ALPK3: variants seen among roughly 807,000 people sequenced by gnomAD.
The protein encoded by ALPK3 is alpha kinase 3.
In ALPK3, 102 loss-of-function variants were observed where a neutral mutation model predicts 140.0. That is an observed-to-expected ratio of 0.73 (90% CI 0.62 to 0.86). The LOEUF (loss-of-function observed/expected upper bound fraction) is 0.86, where lower values mean the gene tolerates loss of function less well. Ranked by LOEUF, ALPK3 falls within the 40% of genes least tolerant of loss-of-function variation. The pLI, the probability that ALPK3 is intolerant of heterozygous loss-of-function variation, is 0.00. For synonymous variants in ALPK3, 938 were observed against 898.5 expected, an observed-to-expected ratio of 1.04 and a Z score of -0.79; for missense variants, 2,254 against 2,208.2, an observed-to-expected ratio of 1.02 and a Z score of -0.42.
intron 13 of ALPK3, among the ~76,000 whole-genome samples, chr15:84,867,812 G>C (rs998471566): frequency 6.6e-6 from 1 of 152,172 alleles, no homozygotes; most frequent in African/African-American, 2.4e-5. Flanking sequence ...AGGCATGGTG[G>C]CTCACGCCTC....
chr15:84,823,261 G>C, intron 1 of ALPK3, 69 bp from the exon 2 acceptor site: 1 of 1,565,596 alleles, frequency 6.4e-7, no homozygotes, highest in Non-Finnish European at 8.8e-7. Context: ...AATAGTTTGC[G>C]ACTGTTGATT....
At chr15:84,858,748 G>A (rs1236912232) in intron 6 of ALPK3, among the ~76,000 whole-genome samples, 193 bp downstream of exon 6, 1 of 152,242 alleles carries the variant, frequency 6.6e-6, no homozygotes, top group Admixed American at 6.5e-5. Context: ...CCACTCCACA[G>A]AGTGGAGATA....
Position 84,862,927 on chromosome 15 carries a change from C to T in ALPK3, c.4410+12C>T, listed in dbSNP as rs373896916. On this transcript the variant is annotated intron_variant, in intron 10 of 13. Transcript: ENST00000258888. ...ACGTCACCATCCAGGTACTATGTCC[C>T]ATCTTCACACCCCATTCTTTTATTC... is the stretch of plus-strand genomic sequence containing the variant. 12 of 1,609,338 alleles carry T rather than the reference C, an allele frequency of 7.5e-6. No homozygotes were observed. Among genetic ancestry groups the T allele is most frequent in the African/African-American group, 2.7e-5 (2 of 74,854 alleles).
intron 3 of ALPK3, among the ~76,000 whole-genome samples, chr15:84,832,375 C>T (rs1963553248): frequency 6.6e-6 from 1 of 152,182 alleles, no homozygotes; most frequent in Non-Finnish European, 1.5e-5. Flanking sequence ...TTCACTTCAT[C>T]TTTGTGCTTT....
chr15:84,838,249 T>A (rs1358445219), intron 3 of ALPK3, among the ~76,000 whole-genome samples: 1 of 152,132 alleles, frequency 6.6e-6, no homozygotes, highest in Non-Finnish European at 1.5e-5. Flanking sequence ...AGGAGGGCTC[T>A]TAGAAGGGAT....
In ALPK3 at chr15:84,840,621, G is replaced by A. The variant is rs750284989; in HGVS notation, c.1342G>A (p.Gly448Arg). 1.3e-6 allele frequency: 2 copies of A among 1,559,626 alleles called. No individual in the cohort carries two copies. Among genetic ancestry groups the A allele is most frequent in the East Asian group, 4.5e-5 (2 of 44,572 alleles). The change falls in exon 5 of 14, where the codon GGG (glycine) becomes AGG (arginine). Residue 448 changes from glycine (G) to arginine (R), a missense_variant. Transcript: ENST00000258888. ...CCGGGCGCCTGGGGAGAGTCCCAAG[G>A]GGAAGGCACCCCTCAGGGCTAGAAG... ...SVRAPGESPK[G>R]KAPLRARSEG...
chr15:84,862,635 T>G lies in ALPK3; in HGVS notation c.4130T>G (p.Val1377Gly). 1.2e-6 allele frequency: 2 copies of G among 1,603,158 alleles called. No homozygotes were observed. The highest frequency in any genetic ancestry group is 2.2e-5 in the South Asian group (2 of 90,386). ...SGFISREEGEVGEEIEMTPMV... is the reference protein window; with the variant it reads ...SGFISREEGEGGEEIEMTPMV... ...CCACATTTCTCCTGTTCCCCTTCAG[T>G]TGGAGAAGAGATTGAGATGACCCCT... The change falls in exon 10 of 14, where the codon GTT (valine) becomes GGT (glycine). Residue 1377 changes from valine (V) to glycine (G), a missense_variant and splice_region_variant. Transcript: ENST00000258888.
intron 5 of ALPK3, among the ~76,000 whole-genome samples, chr15:84,841,157 A>G (rs1037575586): frequency 1.3e-5 from 2 of 152,078 alleles, no homozygotes; most frequent in Admixed American, 1.3e-4. Flanking sequence ...CTCTTCTGGG[A>G]GTGTAGGAGT....
In ALPK3 at chr15:84,859,255, T is replaced by C; in HGVS notation, c.3830T>C (p.Ile1277Thr). ...AKDLLKAPQV[I>T]RKIRVEQFPD... Reference sequence around the variant, plus strand: ...GCCCTGCTCTCAGCCCCACAGGTGATCCGGAAGATTCGGGTGGAGCAGTTT... The same window carrying C: ...GCCCTGCTCTCAGCCCCACAGGTGACCCGGAAGATTCGGGTGGAGCAGTTT... Residue 1277 changes from isoleucine (I) to threonine (T), a missense_variant, in exon 7 of 14, where the codon ATC becomes ACC. By Grantham distance (89) the Ile-to-Thr change is moderately conservative. Coordinates refer to ENST00000258888, the MANE Select transcript of ALPK3 (RefSeq NM_020778.5). 1 of 1,614,080 alleles carries C rather than the reference T, an allele frequency of 6.2e-7. No individual in the cohort carries two copies.
chr15:84,824,891 G>A (rs2437949), intron 2 of ALPK3, among the ~76,000 whole-genome samples: 2 of 152,068 alleles, frequency 1.3e-5, no homozygotes, highest in Non-Finnish European at 2.9e-5. Context: ...TCCCACATTC[G>A]AATGGTTTGG....
chr15:84,856,679 A>C lies in ALPK3; in HGVS notation c.1941A>C (p.Glu647Asp). 1 of 1,614,086 alleles carries C rather than the reference A, an allele frequency of 6.2e-7. No individual in the cohort carries two copies. The highest frequency in any genetic ancestry group is 8.5e-7 in the Non-Finnish European group (1 of 1,180,028). ...CGCAGGTGGATGCTGGGACACAAGA[A>C]AGCAAGAGGCCACAGTCAGACAGGA... ...RKTQVDAGTQ[E>D]SKRPQSDRSA... The change falls in exon 6 of 14, where the codon GAA (glutamate) becomes GAC (aspartate). Residue 647 changes from glutamate to aspartate, a missense_variant. Glu to Asp is a conservative substitution (Grantham distance 45). Coordinates refer to ENST00000258888, the MANE Select transcript of ALPK3 (RefSeq NM_020778.5).
Position 84,840,159 on chromosome 15 carries a change from A to G in ALPK3, c.880A>G (p.Thr294Ala), listed in dbSNP as rs941631732. The G allele has an allele frequency of 3.1e-6, 5 of 1,613,800 alleles. No individual in the cohort carries two copies. Among genetic ancestry groups the G allele is most frequent in the Non-Finnish European group, 4.2e-6 (5 of 1,179,918 alleles). ...NGEDGEHGLL[T>A]YICDAMELGP... ...AGAGGACGGAGAGCATGGCTTGCTGACATACATCTGTGACGCCATGGAGCT... is the reference window on the plus strand; with the variant it reads ...AGAGGACGGAGAGCATGGCTTGCTGGCATACATCTGTGACGCCATGGAGCT... The change falls in exon 5 of 14, where the codon ACA (threonine) becomes GCA (alanine). Residue 294 changes from threonine (T) to alanine (A), a missense_variant. This residue lies in a region of ALPK3 where 2,088 missense variants were observed against 2,022.9 expected (regional missense o/e 1.03). Transcript: ENST00000258888.
chr15:84,823,745 C>T (rs1204420015), intron 2 of ALPK3, among the ~76,000 whole-genome samples: 1 of 152,198 alleles, frequency 6.6e-6, no homozygotes, highest in Non-Finnish European at 1.5e-5. Context: ...GGGACAGGGT[C>T]TTGCTCTGTC....
rs780739176 is a variant in ALPK3 at position 84,840,784 on chromosome 15, T to A, written c.1505T>A (p.Leu502Gln). ...ATTDSKPISS[L>Q]SQAPECGAQS... is the part of the protein sequence containing the mutation. The stretch of plus-strand genomic sequence containing the variant: ...ACTGACAGCAAGCCCATTTCTTCTC[T>A]GAGTCAAGCTCCAGAATGCGGGGCC... The change falls in exon 5 of 14, where the codon CTG (leucine) becomes CAG (glutamine). Residue 502 changes from leucine (L) to glutamine (Q), a missense_variant. Leu to Gln is a moderately radical substitution (Grantham distance 113). Coordinates refer to ENST00000258888, the MANE Select transcript of ALPK3 (RefSeq NM_020778.5). 1 of 1,614,216 alleles carries A rather than the reference T, an allele frequency of 6.2e-7. No homozygotes were observed. Among genetic ancestry groups the A allele is most frequent in the Non-Finnish European group, 8.5e-7 (1 of 1,180,026 alleles).
chr15:84,830,698 TTTGG>T (rs1220072726), intron 3 of ALPK3, among the ~76,000 whole-genome samples: 1 of 152,142 alleles, frequency 6.6e-6, no homozygotes, highest in African/African-American at 2.4e-5. Flanking sequence ...TGTTTGTTGG[TTTGG>T]TTGGTTTGTT....
chr15:84,832,153 C>A (rs1212080755), intron 3 of ALPK3, among the ~76,000 whole-genome samples: 3 of 152,024 alleles, frequency 2.0e-5, no homozygotes, highest in Non-Finnish European at 4.4e-5. Context: ...ATCTTTGAAC[C>A]TTTCCTCCTT....
Position 84,817,490 on chromosome 15 carries a change from C to T in ALPK3, c.38C>T (p.Ala13Val), listed in dbSNP as rs1301457332. ...AGGGCCCCCAGCCGGGGCTGGGGCG[C>T]GGGTGGGCGGTCGGGGGCGGGGGGC... ...SRRAPSRGWGAGGRSGAGGDG... is the reference protein window; with the variant it reads ...SRRAPSRGWGVGGRSGAGGDG... Residue 13 changes from alanine (A) to valine (V), a missense_variant, in exon 1 of 14, where the codon GCG (alanine) becomes GTG (valine). This residue lies in a region of ALPK3 where 2,088 missense variants were observed against 2,022.9 expected (regional missense o/e 1.03). Transcript: ENST00000258888. The T allele has an allele frequency of 8.1e-6, 5 of 618,870 alleles. No individual in the cohort carries two copies. Among genetic ancestry groups the T allele is most frequent in the South Asian group, 3.7e-5 (2 of 53,892 alleles). The allele number at this position is 618,870 out of a possible 1,614,324, so 38.3% of individuals were successfully genotyped here. A position where few individuals can be genotyped will look rare whatever the true frequency, so the allele number is the denominator to read the frequency against.
intron 2 of ALPK3, among the ~76,000 whole-genome samples, chr15:84,826,318 T>G (rs764289530): frequency 6.6e-6 from 1 of 152,178 alleles, no homozygotes; most frequent in Non-Finnish European, 1.5e-5. Context: ...CAGACAAACA[T>G]TGCCCTTGGG....
chr15:84,868,515 C>T lies in ALPK3; in HGVS notation c.*59C>T, dbSNP rs1359648159. 3 of 1,468,604 alleles carry T rather than the reference C, an allele frequency of 2.0e-6. No homozygotes were observed. The highest frequency in any genetic ancestry group is 4.7e-5 in the East Asian group (2 of 42,450). The allele number at this position is 1,468,604 out of a possible 1,614,324, so 91.0% of individuals were successfully genotyped here. ...CAGACCAACCAGGAAGCAGCTTGAA[C>T]TGGATGGAGACTTTCCAAATATGGA... On this transcript the variant is annotated 3_prime_UTR_variant, in exon 14 of 14. Coordinates refer to ENST00000258888, the MANE Select transcript of ALPK3 (RefSeq NM_020778.5).
Sources: allele counts gnomAD v4.1 joint callset (sites outside exome capture counted in the v4.1 genomes callset), GRCh38; gene constraint gnomAD v4.1.1; regional missense constraint gnomAD v4.1.1; transcripts MANE v1.5; gene names NCBI Gene and HGNC (gene_info 2026-07-23, HGNC 2026-07-21).